Variants in KCNK2 observed in about 807,000 individuals in gnomAD.
KCNK2 encodes potassium two pore domain channel subfamily K member 2.
In KCNK2, 21 loss-of-function variants were observed where a neutral mutation model predicts 40.5. That is an observed-to-expected ratio of 0.52 (90% confidence interval 0.37 to 0.75). The LOEUF (loss-of-function observed/expected upper bound fraction) is 0.75, where lower values mean the gene tolerates loss of function less well. Ranked by LOEUF, KCNK2 falls within the 30% of genes least tolerant of loss-of-function variation. The probability of loss-of-function intolerance (pLI) is 0.00; values close to 1 mark genes in which losing one functional copy is unlikely to be tolerated. For synonymous variants in KCNK2, 191 were observed against 202.2 expected (o/e 0.94, Z 0.47); for missense variants, 399 against 531.6 (o/e 0.75, Z 2.45).
At chr1:215,106,231 C>CAGGCA (rs1660434633) in intron 2 of KCNK2, among the ~76,000 whole-genome samples, 1 of 152,094 alleles carries the variant, frequency 6.6e-6, no homozygotes, top group South Asian at 2.1e-4. Flanking sequence ...TCATTTTCCT[C>CAGGCA]TACAGTCCTG....
intron 2 of KCNK2, among the ~76,000 whole-genome samples, chr1:215,121,056 A>G (rs973525125): frequency 9.2e-5 from 14 of 152,190 alleles, no homozygotes; most frequent in African/African-American, 3.1e-4. Context: ...TTCTTATTTA[A>G]CTTAGCTCTG....
chr1:215,083,416 G>T lies in KCNK2; in HGVS notation c.31G>T (p.Gly11Cys), dbSNP rs778126382. 1 of 1,613,734 alleles carries T rather than the reference G, an allele frequency of 6.2e-7. No individual in the cohort carries two copies. Among genetic ancestry groups the T allele is most frequent in the Non-Finnish European group, 8.5e-7 (1 of 1,179,804 alleles). MLPSASRERP[G>C]YRAGVAAPDL... is the part of the protein sequence containing the mutation. ...TCCCAGCGCCTCGCGGGAGAGACCC[G>T]GCTATAGAGCAGGAGGTGAGACCCC... Residue 11 changes from glycine (G) to cysteine (C), a missense_variant, in exon 1 of 7, where the codon GGC (glycine) becomes TGC (cysteine). Around this residue, in one of 3 missense-constraint regions of KCNK2, gnomAD observed 279 missense variants for 353.8 expected, o/e 0.79. Coordinates refer to ENST00000444842, the MANE Select transcript of KCNK2 (RefSeq NM_001017425.3).
rs189726064 is a variant in KCNK2, at chr1:215,095,098, C to T, written c.357+8420C>T. Among the ~76,000 whole-genome samples, 153 of 152,118 alleles carry T rather than the reference C, an allele frequency of 1.0e-3. 1 individual carries two copies. The highest frequency in any genetic ancestry group is 1.7e-3 in the Non-Finnish European group (113 of 67,988). ...AAAATTCTAAGAGTTGTATATTCCA[C>T]GTTTGTGTATTTTATCACATATTTG... On this transcript the variant is annotated intron_variant, in intron 2 of 6. Coordinates refer to ENST00000444842, the MANE Select transcript of KCNK2 (RefSeq NM_001017425.3).
At position 215,164,210 on chromosome 1, in the gene KCNK2, G is replaced by A. The variant is rs189792609; in HGVS notation, c.476-4989G>A. The stretch of plus-strand genomic sequence containing the variant: ...AGATCTTCTAGTGTATTTGCGTAGC[G>A]GTGTTTATAGTATTCTCTGATGGTA... On this transcript the variant is annotated intron_variant, in intron 3 of 6. Coordinates refer to ENST00000444842, the MANE Select transcript of KCNK2 (RefSeq NM_001017425.3). Among the ~76,000 whole-genome samples the A allele has an allele frequency of 3.7e-3, 568 of 152,248 alleles. 7 individuals are homozygous for A. The highest frequency in any genetic ancestry group is 0.023 in the Admixed American group (357 of 15,278).
chr1:215,222,734 C>CT (rs5780824), intron 6 of KCNK2, among the ~76,000 whole-genome samples: 41,034 of 146,398 alleles, frequency 0.28, 7,275 homozygotes, highest in African/African-American at 0.51. Flanking sequence ...TCCTTTTAGG[C>CT]TTTTTTTTTT....
intron 6 of KCNK2, among the ~76,000 whole-genome samples, chr1:215,211,593 T>G (rs1009243594): frequency 2.3e-4 from 35 of 152,192 alleles, no homozygotes; most frequent in African/African-American, 8.0e-4. Flanking sequence ...GACAAGCAAT[T>G]GTTGCTGTTT....
intron 1 of KCNK2, among the ~76,000 whole-genome samples, chr1:215,006,228 TG>T (rs1198293160): frequency 6.6e-6 from 1 of 152,208 alleles, no homozygotes; most frequent in Non-Finnish European, 1.5e-5. Flanking sequence ...CTTCTGGCAA[TG>T]TAAAAATTGA....
chr1:215,154,500 A>T (rs1662824059), intron 3 of KCNK2, among the ~76,000 whole-genome samples: 1 of 151,874 alleles, frequency 6.6e-6, no homozygotes, highest in Non-Finnish European at 1.5e-5. Flanking sequence ...AGATGGGTAG[A>T]TTGCAAAAAT....
At chr1:215,024,169 AC>A (rs1420824362) in intron 1 of KCNK2, among the ~76,000 whole-genome samples, 4 of 152,192 alleles carry the variant, frequency 2.6e-5, no homozygotes, top group Non-Finnish European at 4.4e-5. Flanking sequence ...CTGACACCTG[AC>A]ACCCTGTGGA....
At chr1:215,184,228 T>G (rs1051501935) in intron 5 of KCNK2, among the ~76,000 whole-genome samples, 21 of 152,182 alleles carry the variant, frequency 1.4e-4, no homozygotes, top group Admixed American at 1.2e-3. Flanking sequence ...TTTTTCTACC[T>G]CTTATTCAAA....
intron 6 of KCNK2, among the ~76,000 whole-genome samples, chr1:215,227,526 G>A (rs1456199557): frequency 1.3e-5 from 2 of 152,198 alleles, no homozygotes; most frequent in Non-Finnish European, 2.9e-5. Flanking sequence ...CAGCAGGTAA[G>A]CCCTAGATTA....
chr1:215,230,322 C>T (rs1248283551), intron 6 of KCNK2, among the ~76,000 whole-genome samples: 3 of 150,242 alleles, frequency 2.0e-5, no homozygotes, highest in Non-Finnish European at 3.0e-5. Context: ...GTAGTGAATA[C>T]TGCAGGCACT....
At chr1:215,208,592 T>C (rs1243184622) in intron 6 of KCNK2, among the ~76,000 whole-genome samples, 1 of 152,122 alleles carries the variant, frequency 6.6e-6, no homozygotes, top group African/African-American at 2.4e-5. Flanking sequence ...TTTGCTATTT[T>C]CATAAGCTCC....
chr1:215,083,265 T>C lies in KCNK2; in HGVS notation c.-121T>C, dbSNP rs1269016172. 6.6e-6 allele frequency: 9 copies of C among 1,358,886 alleles called. No homozygotes were observed. In the South Asian group the frequency reaches 9.2e-5, roughly 14 times the overall value. 84.2% of individuals were successfully genotyped at this position (1,358,886 alleles called of 1,614,324 possible). ...GTAAAACAAAGCCGGGGAAAATGCC[T>C]GCCCGTGCAGCTCGGAGCGCGCAGC... On this transcript the variant is annotated 5_prime_UTR_variant, in exon 1 of 7. Transcript: ENST00000444842.
intron 2 of KCNK2, among the ~76,000 whole-genome samples, chr1:215,105,897 T>C (rs1660419767): frequency 6.6e-6 from 1 of 152,100 alleles, no homozygotes; most frequent in South Asian, 2.1e-4. Context: ...GTAAGCTGTG[T>C]CCATACTGCT....
chr1:215,032,862 T>C (rs1657253392), intron 1 of KCNK2, among the ~76,000 whole-genome samples: 1 of 152,158 alleles, frequency 6.6e-6, no homozygotes, highest in Non-Finnish European at 1.5e-5. Context: ...GGTGTAGGTT[T>C]CTTTGACATT....
At chr1:215,188,973 C>T (rs1310488063) in intron 5 of KCNK2, among the ~76,000 whole-genome samples, 1 of 152,150 alleles carries the variant, frequency 6.6e-6, no homozygotes, top group Non-Finnish European at 1.5e-5. Flanking sequence ...GCTCTAGTTC[C>T]TGTTCCTGTA....
At chr1:215,234,109 C>G (rs1044909058) in intron 6 of KCNK2, among the ~76,000 whole-genome samples, 1 of 152,184 alleles carries the variant, frequency 6.6e-6, no homozygotes, top group Non-Finnish European at 1.5e-5. Flanking sequence ...AGTAACTTCA[C>G]GGATTCCACA....
At chr1:215,234,464 A>G (rs1666794052) in intron 6 of KCNK2, among the ~76,000 whole-genome samples, 1 of 152,310 alleles carries the variant, frequency 6.6e-6, no homozygotes, top group South Asian at 2.1e-4. Flanking sequence ...ACTTCTTGAA[A>G]TTAGATACAA....
Sources: allele counts gnomAD v4.1 joint callset (sites outside exome capture counted in the v4.1 genomes callset), GRCh38; gene constraint gnomAD v4.1.1; regional missense constraint gnomAD v4.1.1; transcripts MANE v1.5; gene names NCBI Gene and HGNC (gene_info 2026-07-23, HGNC 2026-07-21).